The following CCDC178 variants were observed in gnomAD, a reference collection of about 807,000 sequenced individuals.
CCDC178 encodes coiled-coil domain-containing protein 178.
In CCDC178, 126 loss-of-function variants were observed where a neutral mutation model predicts 117.4. That is an observed-to-expected ratio of 1.07 (90% CI 0.93 to 1.24). The LOEUF (loss-of-function observed/expected upper bound fraction) is 1.24. CCDC178 is among the 50% of genes most tolerant of loss of function. CCDC178 has a pLI of 0.00. For synonymous variants in CCDC178, 283 were observed against 313.4 expected (o/e 0.90, Z 1.02); for missense variants, 1,030 against 986.9 (o/e 1.04, Z -0.59).
intron 21 of CCDC178, among the ~76,000 whole-genome samples, chr18:33,022,203 T>C (rs1179099766): frequency 2.0e-5 from 3 of 152,158 alleles, no homozygotes; most frequent in South Asian, 2.1e-4. Context: ...TTCTTTTGTG[T>C]GCTGGTTTGT....
At chr18:33,404,884 C>G (rs1266908699) in intron 3 of CCDC178, among the ~76,000 whole-genome samples, 1 of 151,948 alleles carries the variant, frequency 6.6e-6, no homozygotes, top group African/African-American at 2.4e-5. Context: ...TTTATAAAAT[C>G]ATTGATATGA....
chr18:33,195,039 C>T (rs2058912148), intron 20 of CCDC178, among the ~76,000 whole-genome samples: 1 of 149,190 alleles, frequency 6.7e-6, no homozygotes, highest in Non-Finnish European at 1.5e-5. Context: ...AGAAGGATCA[C>T]CCTGGAGTTT....
chr18:33,391,065 A>C (rs1472752904), intron 4 of CCDC178, among the ~76,000 whole-genome samples: 2 of 151,336 alleles, frequency 1.3e-5, no homozygotes, highest in Non-Finnish European at 3.0e-5. Flanking sequence ...AGATAGTGCT[A>C]ATCAAATAGC....
chr18:33,430,833 G>A (rs1396148354), intron 2 of CCDC178, among the ~76,000 whole-genome samples: 5 of 152,128 alleles, frequency 3.3e-5, no homozygotes, highest in African/African-American at 9.7e-5. Flanking sequence ...AGCACTTTGG[G>A]AGGCCGAGGT....
Position 33,397,055 on chromosome 18 carries a change from G to A in CCDC178, c.118+94C>T, listed in dbSNP as rs1177920148. 9 of 776,492 alleles carry A rather than the reference G, an allele frequency of 1.2e-5. No individual in the cohort carries two copies. The East Asian group carries it at 2.1e-4, about 18-fold the overall frequency. 48.1% of individuals were successfully genotyped at this position (776,492 alleles called of 1,614,324 possible). A position where few individuals can be genotyped will look rare whatever the true frequency, so the allele number is the denominator to read the frequency against. The stretch of plus-strand genomic sequence containing the variant: ...CATCAATTAGGAAGAACAGAAGAAT[G>A]CCTGAAATTATTTTCATGCTTATAA... On this transcript the variant is annotated intron_variant, in intron 4 of 22. Transcript: ENST00000383096.
Position 33,215,563 on chromosome 18 carries a change from G to C in CCDC178, c.2065C>G (p.Leu689Val). The C allele has an allele frequency of 7.1e-7, 1 of 1,410,334 alleles. No homozygotes were observed. The highest frequency in any genetic ancestry group is 9.5e-7 in the Non-Finnish European group (1 of 1,057,542). The allele number at this position is 1,410,334 out of a possible 1,614,324, so 87.4% of individuals were successfully genotyped here. Residue 689 changes from leucine to valine, a missense_variant, in exon 19 of 23, where the codon CTT (leucine) becomes GTT (valine). Physicochemically the swap from Leu to Val is conservative, Grantham distance 32 (BLOSUM62 1). Transcript: ENST00000383096. ...EEEKKSFDQT[L>V]EILKNKFITM... The stretch of plus-strand genomic sequence containing the variant: ...TTAAGTACTTACTTTAATATTTCAA[G>C]TGTCTGATCAAAACTTTTCTTTTCT...
chr18:33,268,592 A>G (rs923826744), intron 12 of CCDC178, among the ~76,000 whole-genome samples: 1 of 151,868 alleles, frequency 6.6e-6, no homozygotes, highest in Admixed American at 6.6e-5. Context: ...CGAGTAAACC[A>G]AGAGATCTGT....
chr18:33,064,727 G>A (rs143152719), intron 21 of CCDC178, among the ~76,000 whole-genome samples: 30 of 152,266 alleles, frequency 2.0e-4, no homozygotes, highest in African/African-American at 6.7e-4. Context: ...ATATCTAAGC[G>A]AAATGGAATC....
At chr18:33,341,573 G>A (rs2062817407) in intron 9 of CCDC178, among the ~76,000 whole-genome samples, 1 of 152,148 alleles carries the variant, frequency 6.6e-6, no homozygotes, top group Non-Finnish European at 1.5e-5. Flanking sequence ...GACCCAAGGG[G>A]AGGTAATTTA....
At chr18:33,051,135 A>G (rs2056740732) in intron 21 of CCDC178, among the ~76,000 whole-genome samples, 1 of 151,862 alleles carries the variant, frequency 6.6e-6, no homozygotes, top group African/African-American at 2.4e-5. Context: ...CTGGTCTCGA[A>G]CTCCTGACCT....
intron 21 of CCDC178, among the ~76,000 whole-genome samples, chr18:33,025,000 G>A (rs1264710498): frequency 6.6e-6 from 1 of 152,066 alleles, no homozygotes; most frequent in Non-Finnish European, 1.5e-5. Flanking sequence ...ACTTGACAAA[G>A]ACAGTACAAA....
At chr18:32,992,633 A>G (rs2055417816) in intron 21 of CCDC178, among the ~76,000 whole-genome samples, 1 of 152,194 alleles carries the variant, frequency 6.6e-6, no homozygotes, top group Non-Finnish European at 1.5e-5. Context: ...ATATTTCAAA[A>G]TTGCTAAAGA....
chr18:33,180,485 C>T (rs1172731834), intron 20 of CCDC178, among the ~76,000 whole-genome samples: 1 of 151,782 alleles, frequency 6.6e-6, no homozygotes, highest in Non-Finnish European at 1.5e-5. Context: ...ATGAGTCATA[C>T]TAAATTTCTC....
intron 20 of CCDC178, among the ~76,000 whole-genome samples, chr18:33,103,224 G>A (rs1001527956): frequency 2.6e-5 from 4 of 151,700 alleles, no homozygotes; most frequent in African/African-American, 9.7e-5. Flanking sequence ...TAAGGAAGAT[G>A]CAAAAGTGGA....
intron 12 of CCDC178, among the ~76,000 whole-genome samples, chr18:33,290,906 G>A (rs1428430092): frequency 6.6e-6 from 1 of 152,046 alleles, no homozygotes; most frequent in Admixed American, 6.5e-5. Context: ...TATAAAAAAA[G>A]TAACTGGAAA....
chr18:33,364,067 C>T (rs1310296038), intron 6 of CCDC178, among the ~76,000 whole-genome samples: 1 of 152,072 alleles, frequency 6.6e-6, no homozygotes, highest in Non-Finnish European at 1.5e-5. Context: ...TACGCTCTAA[C>T]AGCCAACAAC....
At chr18:33,322,195 CA>C (rs2062520875) in intron 11 of CCDC178, among the ~76,000 whole-genome samples, 1 of 151,790 alleles carries the variant, frequency 6.6e-6, no homozygotes, top group African/African-American at 2.4e-5. Flanking sequence ...AGACCTTCCT[CA>C]TTACTTGACA....
At chr18:33,005,779 C>T (rs1483585117) in intron 21 of CCDC178, among the ~76,000 whole-genome samples, 2 of 152,020 alleles carry the variant, frequency 1.3e-5, no homozygotes, top group South Asian at 2.1e-4. Flanking sequence ...TAAGTAGATG[C>T]TTCTTTTTCT....
At chr18:33,404,883 T>C (rs2063759505) in intron 3 of CCDC178, among the ~76,000 whole-genome samples, 1 of 151,618 alleles carries the variant, frequency 6.6e-6, no homozygotes, top group Non-Finnish European at 1.5e-5. Context: ...TTTTATAAAA[T>C]CATTGATATG....
Sources: gnomAD v4.1 joint callset for allele counts (sites outside exome capture counted in the v4.1 genomes callset) on GRCh38, gnomAD v4.1.1 for gene constraint, MANE v1.5 for transcripts, NCBI Gene and HGNC (gene_info 2026-07-23, HGNC 2026-07-21) for gene names.